IL34: variants seen among roughly 807,000 people sequenced by gnomAD.
IL34 encodes the protein interleukin 34.
Under a neutral mutation model 25.3 loss-of-function variants are expected in IL34, and 17 were observed. That is an observed-to-expected ratio of 0.67 (90% confidence interval 0.46 to 1.01). The LOEUF (loss-of-function observed/expected upper bound fraction) is 1.01. Ranked by LOEUF, IL34 falls within the 50% of genes least tolerant of loss-of-function variation. The pLI is 0.00. For synonymous variants in IL34, 174 were observed against 140.9 expected, an observed-to-expected ratio of 1.23 and a Z score of -1.66; for missense variants, 368 against 312.9, an observed-to-expected ratio of 1.18 and a Z score of -1.33.
chr16:70,654,424 A>G, intron 1 of IL34, 114 bp from the exon 2 acceptor site: 4 of 1,399,192 alleles, frequency 2.9e-6, no homozygotes, highest in Non-Finnish European at 3.9e-6. Flanking sequence ...CACCTTTCCC[A>G]TTGGTGCTTG....
intron 1 of IL34, among the ~76,000 whole-genome samples, chr16:70,591,152 T>C (rs1306614353): frequency 1.3e-5 from 2 of 152,228 alleles, no homozygotes; most frequent in East Asian, 3.8e-4. Context: ...CTTGCAGGCC[T>C]CTAAGTCTGT....
At chr16:70,597,491 G>A (rs1398465787) in intron 1 of IL34, among the ~76,000 whole-genome samples, 2 of 152,074 alleles carry the variant, frequency 1.3e-5, no homozygotes, top group African/African-American at 4.8e-5. Flanking sequence ...AAAGTGCTAG[G>A]GTTAAAAGTG....
At chr16:70,648,294 G>T (rs1432230914) in intron 1 of IL34, among the ~76,000 whole-genome samples, 1 of 152,264 alleles carries the variant, frequency 6.6e-6, no homozygotes, top group African/African-American at 2.4e-5. Flanking sequence ...GGTGGCTCAC[G>T]CCCGTGATCC....
At chr16:70,627,643 A>AT (rs1056303488) in intron 1 of IL34, among the ~76,000 whole-genome samples, 17 of 151,712 alleles carry the variant, frequency 1.1e-4, no homozygotes, top group Admixed American at 7.9e-4. Flanking sequence ...TAATCTTTTT[A>AT]TTTTTTTGTA....
chr16:70,623,941 T>G (rs995090406), intron 1 of IL34, among the ~76,000 whole-genome samples: 36 of 140,390 alleles, frequency 2.6e-4, no homozygotes, highest in African/African-American at 8.5e-4. Flanking sequence ...GTGGAGTGGG[T>G]AGCCTCCGTA....
At chr16:70,618,077 T>C (rs1160077589) in intron 1 of IL34, among the ~76,000 whole-genome samples, 5 of 152,172 alleles carry the variant, frequency 3.3e-5, no homozygotes, top group South Asian at 2.1e-4. Context: ...AGTAGTAGAA[T>C]AGCAGATGGA....
intron 1 of IL34, among the ~76,000 whole-genome samples, chr16:70,605,358 AC>A (rs1382327432): frequency 6.6e-6 from 1 of 152,242 alleles, no homozygotes; most frequent in Admixed American, 6.5e-5. Context: ...TGTGGTAAAT[AC>A]ATACATGAAA....
chr16:70,659,778 C>T (rs1268944986), intron 5 of IL34, 25 bp downstream of exon 5: 3 of 1,579,940 alleles, frequency 1.9e-6, no homozygotes, highest in Non-Finnish European at 2.6e-6. Context: ...GGGGATGGCG[C>T]CTGGGGGTGG....
intron 1 of IL34, among the ~76,000 whole-genome samples, chr16:70,631,214 G>A (rs1276210868): frequency 6.6e-6 from 1 of 152,160 alleles, no homozygotes; most frequent in Non-Finnish European, 1.5e-5. Context: ...AGCTGGAGAA[G>A]CTCCTTTGAC....
chr16:70,603,215 A>G (rs938911726), intron 1 of IL34, among the ~76,000 whole-genome samples: 2 of 152,252 alleles, frequency 1.3e-5, no homozygotes, highest in Non-Finnish European at 2.9e-5. Flanking sequence ...GTTTGGAGAG[A>G]AACACTATAA....
chr16:70,628,501 T>TTATTTA (rs60275153), intron 1 of IL34, among the ~76,000 whole-genome samples: 4 of 148,580 alleles, frequency 2.7e-5, no homozygotes, highest in African/African-American at 1.0e-4. Context: ...TTATTTTTTT[T>TTATTTA]TTTGAGACAG....
intron 1 of IL34, among the ~76,000 whole-genome samples, chr16:70,590,243 C>T (rs1187818675): frequency 5.3e-5 from 8 of 152,164 alleles, no homozygotes; most frequent in African/African-American, 1.9e-4. Context: ...GGGCAGATTC[C>T]AGACATTGGA....
intron 1 of IL34, among the ~76,000 whole-genome samples, chr16:70,609,644 G>A (rs903002694): frequency 6.6e-6 from 1 of 152,196 alleles, no homozygotes; most frequent in African/African-American, 2.4e-5. Flanking sequence ...CAGGTGCACT[G>A]AGGCAGAGAC....
At chr16:70,596,900 A>G (rs938389194) in intron 1 of IL34, among the ~76,000 whole-genome samples, 4 of 151,886 alleles carry the variant, frequency 2.6e-5, no homozygotes, top group African/African-American at 4.8e-5. Flanking sequence ...TTTCCATTTT[A>G]CAGAGGAGGA....
At chr16:70,639,790 C>T (rs1490134948) in intron 1 of IL34, among the ~76,000 whole-genome samples, 1 of 152,024 alleles carries the variant, frequency 6.6e-6, no homozygotes, top group Non-Finnish European at 1.5e-5. Flanking sequence ...CCTGTCTCTA[C>T]AAAAACTAAA....
intron 1 of IL34, among the ~76,000 whole-genome samples, chr16:70,582,725 CTGAT>C (rs2050648796): frequency 6.6e-6 from 1 of 152,238 alleles, no homozygotes; most frequent in Admixed American, 6.5e-5. Flanking sequence ...ACAACAAACA[CTGAT>C]TGGGTTGGCC....
chr16:70,620,519 G>A (rs1274802868), intron 1 of IL34, among the ~76,000 whole-genome samples: 1 of 152,064 alleles, frequency 6.6e-6, no homozygotes, highest in Non-Finnish European at 1.5e-5. Flanking sequence ...GAGGAGGGGA[G>A]AGGTCAGATG....
At chr16:70,620,422 C>T (rs1029337638) in intron 1 of IL34, among the ~76,000 whole-genome samples, 24 of 149,048 alleles carry the variant, frequency 1.6e-4, no homozygotes, top group African/African-American at 4.3e-4. Context: ...AACTGTAAGC[C>T]CCACCAGGTG....
chr16:70,646,980 G>A lies in IL34; in HGVS notation c.28+5G>A, dbSNP rs1567462532. 6.9e-7 allele frequency: 1 copy of A among 1,456,086 alleles called. No individual in the cohort carries two copies. The allele number at this position is 1,456,086 out of a possible 1,614,324, so 90.2% of individuals were successfully genotyped here. On this transcript the variant is annotated splice_donor_5th_base_variant and intron_variant, in intron 1 of 5. Transcript: ENST00000288098. ...GGGGCTTCACCTGGCTGCGCTGTGAGTACTGGGGGGTCCCTAGGGACCTGC... is the reference window on the plus strand; with the variant it reads ...GGGGCTTCACCTGGCTGCGCTGTGAATACTGGGGGGTCCCTAGGGACCTGC...
Sources: allele counts gnomAD v4.1 joint callset (sites outside exome capture counted in the v4.1 genomes callset), GRCh38; gene constraint gnomAD v4.1.1; transcripts MANE v1.5; gene names NCBI Gene and HGNC (gene_info 2026-07-23, HGNC 2026-07-21).